RBFOX2: variants seen among roughly 807,000 people sequenced by gnomAD.
RBFOX2 encodes RNA binding fox-1 homolog 2, also known as RNA binding protein fox-1 homolog 2.
In RBFOX2, 10 loss-of-function variants were observed where a neutral mutation model predicts 49.1. The observed-to-expected ratio is 0.20, with a 90% CI of 0.13 to 0.35. The LOEUF is 0.35. RBFOX2 is among the 10% of genes least tolerant of loss of function. The pLI is 1.00. For missense variants in RBFOX2, 323 were observed against 486.9 expected, an observed-to-expected ratio of 0.66 and a Z score of 3.17; for synonymous variants, 183 against 187.4, an observed-to-expected ratio of 0.98 and a Z score of 0.19.
intron 1 of RBFOX2, among the ~76,000 whole-genome samples, chr22:35,888,184 C>T (rs1416382356): frequency 1.3e-5 from 2 of 152,174 alleles, no homozygotes; most frequent in Non-Finnish European, 2.9e-5. Flanking sequence ...AACTGACTCG[C>T]CACCACATAC....
At chr22:35,939,773 T>C (rs1016358131), upstream of RBFOX2, among the ~76,000 whole-genome samples, 1 of 152,150 alleles carries the variant, frequency 6.6e-6, no homozygotes, top group Non-Finnish European at 1.5e-5. Context: ...CCAGCTTACT[T>C]GACCCATTCA....
chr22:35,890,033 CTG>C lies in RBFOX2; in HGVS notation c.-34+48812_-34+48813del, dbSNP rs1458523096. Among the ~76,000 whole-genome samples the C allele has an allele frequency of 2.0e-5, 3 of 152,246 alleles. No individual in the cohort carries two copies. The East Asian group carries it at 5.8e-4, about 29-fold the overall frequency. Reference sequence around the variant, plus strand: ...GAAACTGTATCTTTTGACTCACAGTCTGTGACTTTCAAGTTTTATGATAAAGC... The same window carrying C: ...GAAACTGTATCTTTTGACTCACAGTCTGACTTTCAAGTTTTATGATAAAGC... On this transcript the variant is annotated intron_variant, in intron 1 of 13. Coordinates refer to the RBFOX2 transcript ENST00000359369.
chr22:35,828,160 C>CAA (rs201383680), intron 1 of RBFOX2, among the ~76,000 whole-genome samples: 25 of 66,594 alleles, frequency 3.8e-4, no homozygotes, highest in African/African-American at 9.6e-4. Flanking sequence ...GAATCTGTCT[C>CAA]AAAAAAAAAA....
intron 1 of RBFOX2, among the ~76,000 whole-genome samples, chr22:35,816,856 A>G (rs1038086405): frequency 6.6e-6 from 1 of 152,220 alleles, no homozygotes; most frequent in African/African-American, 2.4e-5. Context: ...CTACTTCCAT[A>G]CAACCCAGCT....
chr22:35,775,841 C>CA (rs753116056), intron 4 of RBFOX2, among the ~76,000 whole-genome samples: 1,633 of 55,652 alleles, frequency 0.029, 38 homozygotes, highest in South Asian at 0.11. Context: ...GAATCTGCCT[C>CA]AAAAAAAAAA....
chr22:35,853,092 G>C (rs1298741344), intron 1 of RBFOX2, among the ~76,000 whole-genome samples: 1 of 152,040 alleles, frequency 6.6e-6, no homozygotes, highest in African/African-American at 2.4e-5. Flanking sequence ...TCAGGAGTTT[G>C]AGACCAGCCT....
chr22:35,822,096 A>G (rs1433727950), intron 1 of RBFOX2: 6 of 438,550 alleles, frequency 1.4e-5, no homozygotes, highest in African/African-American at 4.0e-5. Flanking sequence ...CTGAGATGGT[A>G]CTCCCCAATA....
At chr22:35,902,265 T>C (rs2048681238) in intron 1 of RBFOX2, among the ~76,000 whole-genome samples, 1 of 152,156 alleles carries the variant, frequency 6.6e-6, no homozygotes, top group Non-Finnish European at 1.5e-5. Context: ...CCCACTCCGG[T>C]TCTGCACCCT....
chr22:35,831,600 C>G (rs1956816836), intron 1 of RBFOX2, among the ~76,000 whole-genome samples: 1 of 152,216 alleles, frequency 6.6e-6, no homozygotes. Flanking sequence ...AATGCTTCAT[C>G]AGCACAGCCG....
At chr22:36,010,295 C>T (rs1038401546) in intron 1 of RBFOX2, among the ~76,000 whole-genome samples, 7 of 152,084 alleles carry the variant, frequency 4.6e-5, no homozygotes. Context: ...AACTTTACAC[C>T]GGGTGTGAAG....
At chr22:35,777,979 A>C (rs746281927) in intron 4 of RBFOX2, 46 bp downstream of exon 5, 128 of 1,531,678 alleles carry the variant, frequency 8.4e-5, no homozygotes, top group Non-Finnish European at 1.1e-4. Flanking sequence ...AATAACATAA[A>C]ACTCAAAAAG....
upstream of RBFOX2, chr22:35,840,627 TGTGC>T (rs1323019705): frequency 3.3e-4 from 355 of 1,076,856 alleles, 1 homozygote; most frequent in African/African-American, 4.8e-3. Context: ...TGTGTGCGTG[TGTGC>T]GTGTGTGTGT....
chr22:35,846,624 G>A (rs1279039937), intron 1 of RBFOX2, among the ~76,000 whole-genome samples: 1 of 151,764 alleles, frequency 6.6e-6, no homozygotes, highest in Non-Finnish European at 1.5e-5. Flanking sequence ...GTGTGGTGAT[G>A]CCCACCTGTA....
chr22:36,028,770 G>T (rs1374063550), exon 1 of RBFOX2, among the ~76,000 whole-genome samples: 2 of 151,938 alleles, frequency 1.3e-5, no homozygotes, highest in African/African-American at 4.8e-5. Flanking sequence ...CACCGGCCGC[G>T]CTGGCTCACA....
rs9622296 is a variant in RBFOX2, at chr22:35,867,771, A to T, written c.-33-57767T>A. 1.6e-3 allele frequency among the ~76,000 whole-genome samples: 248 copies of T among 152,264 alleles called. 1 individual carries two copies. Among genetic ancestry groups the T allele is most frequent in the Non-Finnish European group, 3.2e-3 (215 of 68,028 alleles). ...GTTCTACAATTTAAAATTTTTTTAA[A>T]TTTTTTCTTTTTTACCTCCAGAGGA... On this transcript the variant is annotated intron_variant, in intron 1 of 13. Coordinates refer to the RBFOX2 transcript ENST00000359369.
At chr22:35,970,974 A>G (rs2056839363) in intron 1 of RBFOX2, among the ~76,000 whole-genome samples, 1 of 152,206 alleles carries the variant, frequency 6.6e-6, no homozygotes, top group Admixed American at 6.5e-5. Context: ...CAACCAAAAT[A>G]GAAGCAAAAT....
At chr22:36,028,151 A>G in intron 1 of RBFOX2, 89 bp downstream of exon 1, 1 of 1,326,486 alleles carries the variant, frequency 7.5e-7, no homozygotes, top group Non-Finnish European at 9.6e-7. Flanking sequence ...GGACTCCCGG[A>G]GGCCCTCCCT....
chr22:35,835,792 TTC>T (rs1214498490), intron 1 of RBFOX2, among the ~76,000 whole-genome samples: 1 of 152,196 alleles, frequency 6.6e-6, no homozygotes, highest in Non-Finnish European at 1.5e-5. Context: ...ATTTATGAAA[TTC>T]TGTTTATCTT....
At chr22:35,837,308 T>C (rs1041612419) in intron 1 of RBFOX2, among the ~76,000 whole-genome samples, 2 of 152,180 alleles carry the variant, frequency 1.3e-5, no homozygotes, top group Non-Finnish European at 2.9e-5. Context: ...GATGGTATCA[T>C]CTGAAGATGC....
Sources: gnomAD v4.1 joint callset for allele counts (sites outside exome capture counted in the v4.1 genomes callset) on GRCh38, gnomAD v4.1.1 for gene constraint, MANE v1.5 for transcripts, NCBI Gene and HGNC (gene_info 2026-07-23, HGNC 2026-07-21) for gene names.